The following MGA variants were observed in gnomAD, a reference collection of about 807,000 sequenced individuals.
MGA encodes the protein MAX dimerization protein MGA.
In MGA, 40 loss-of-function variants were observed where a neutral mutation model predicts 261.1. The ratio of observed to expected loss-of-function variants is 0.15; its 90% confidence interval spans 0.12 to 0.20. MGA has a LOEUF of 0.20. Ranked by LOEUF, MGA falls within the 10% of genes least tolerant of loss-of-function variation. The pLI is 1.00. For missense variants in MGA, 3,397 were observed against 3,630.5 expected (o/e 0.94, Z 1.65); for synonymous variants, 1,302 against 1,290.6 (o/e 1.01, Z -0.19).
Position 41,754,430 on chromosome 15 carries a change from A to G in MGA, c.7009-7A>G, listed in dbSNP as rs985549398. The G allele has an allele frequency of 2.6e-6, 4 of 1,531,868 alleles. No homozygotes were observed. The highest frequency in any genetic ancestry group is 3.5e-6 in the Non-Finnish European group (4 of 1,139,798). 94.9% of individuals were successfully genotyped at this position (1,531,868 alleles called of 1,614,324 possible). On this transcript the variant is annotated splice_polypyrimidine_tract_variant and splice_region_variant and intron_variant, in intron 17 of 23. Coordinates refer to ENST00000219905, the MANE Select transcript of MGA (RefSeq NM_001164273.2). The stretch of plus-strand genomic sequence containing the variant: ...ACATTATTTACTTTTATAATGATGT[A>G]TTTCAGAATAACTGTGTAGAATACA...
chr15:41,665,535 A>T (rs1377244844), intron 1 of MGA, among the ~76,000 whole-genome samples: 1 of 152,042 alleles, frequency 6.6e-6, no homozygotes, highest in Non-Finnish European at 1.5e-5. Context: ...CTGGGACTAC[A>T]GCTACACACC....
At position 41,734,537 on chromosome 15, in the gene MGA, C is replaced by A; in HGVS notation, c.3859C>A (p.Gln1287Lys). 6.2e-7 allele frequency: 1 copy of A among 1,608,676 alleles called. No homozygotes were observed. The highest frequency in any genetic ancestry group is 8.5e-7 in the Non-Finnish European group (1 of 1,177,058). The stretch of plus-strand genomic sequence containing the variant: ...TCTCCTTCAGGAACCTGATTCTGAA[C>A]AGCAGCCCTTAAAACAACTCACCTG... Residue 1287 changes from glutamine to lysine, a missense_variant, in exon 12 of 24, where the codon CAG becomes AAG. Around this residue, in one of 9 missense-constraint regions of MGA, gnomAD observed 1,410 missense variants for 1,386.4 expected, o/e 1.02. Coordinates refer to ENST00000219905, the MANE Select transcript of MGA (RefSeq NM_001164273.2).
At chr15:41,652,683 C>A (rs558704881) in intron 1 of MGA, among the ~76,000 whole-genome samples, 1 of 151,746 alleles carries the variant, frequency 6.6e-6, no homozygotes, top group Non-Finnish European at 1.5e-5. Context: ...CTATAGTGTT[C>A]CAGAGGTTTT....
At chr15:41,668,454 A>G (rs1410386955) in intron 1 of MGA, among the ~76,000 whole-genome samples, 1 of 152,206 alleles carries the variant, frequency 6.6e-6, no homozygotes, top group East Asian at 1.9e-4. Flanking sequence ...CTTCTGGTAA[A>G]TTCATAAAGT....
At chr15:41,656,670 T>G (rs571581753), upstream of MGA, among the ~76,000 whole-genome samples, 247 of 152,186 alleles carry the variant, frequency 1.6e-3, no homozygotes, top group Non-Finnish European at 2.7e-3. Flanking sequence ...TTAATGAATG[T>G]TGATTATATT....
chr15:41,729,647 C>T (rs575920359), intron 11 of MGA, among the ~76,000 whole-genome samples: 12 of 151,712 alleles, frequency 7.9e-5, no homozygotes, highest in Non-Finnish European at 1.2e-4. Context: ...CATGGTGAAA[C>T]CCTATCTTTA....
chr15:41,734,271 T>A (rs1287854377), intron 11 of MGA, among the ~76,000 whole-genome samples: 1 of 152,126 alleles, frequency 6.6e-6, no homozygotes, highest in African/African-American at 2.4e-5. Context: ...TGTTTCCCTC[T>A]TTAAAGTACA....
chr15:41,678,855 T>C (rs1453783223), intron 2 of MGA, among the ~76,000 whole-genome samples: 3 of 152,146 alleles, frequency 2.0e-5, no homozygotes, highest in Admixed American at 6.5e-5. Context: ...CCCACATATG[T>C]GCAGATTGAT....
chr15:41,694,125 A>G (rs1460758433), intron 2 of MGA, among the ~76,000 whole-genome samples: 1 of 152,128 alleles, frequency 6.6e-6, no homozygotes, highest in Admixed American at 6.6e-5. Context: ...TAACTTTTTA[A>G]AAAGTGACTG....
In MGA at chr15:41,696,978, T is replaced by A. The variant is rs1464176035; in HGVS notation, c.1968T>A (p.Asp656Glu). Residue 656 changes from aspartate to glutamate, a missense_variant, in exon 3 of 24, where the codon GAT (aspartate) becomes GAA (glutamate). This residue lies in a region of MGA where 563 missense variants were observed against 563.6 expected (regional missense o/e 1.00). Coordinates refer to ENST00000219905, the MANE Select transcript of MGA (RefSeq NM_001164273.2). ...GTACCTTTCCAGATGTGAAGCCTGA[T>A]CTGGAAGATGTGGATGGTGTTCTCT... 1.3e-6 allele frequency: 2 copies of A among 1,594,440 alleles called. No homozygotes were observed. The highest frequency in any genetic ancestry group is 4.5e-5 in the East Asian group (2 of 44,700).
intron 1 of MGA, among the ~76,000 whole-genome samples, chr15:41,639,526 TAAA>T (rs1566927468): frequency 6.7e-6 from 1 of 148,482 alleles, no homozygotes; most frequent in Non-Finnish European, 1.5e-5. Flanking sequence ...TTTTTTTTTT[TAAA>T]TTAATTAATT....
chr15:41,702,842 C>G (rs930607590), intron 5 of MGA, among the ~76,000 whole-genome samples: 2 of 152,120 alleles, frequency 1.3e-5, no homozygotes, highest in Non-Finnish European at 2.9e-5. Context: ...TTCATTGCTA[C>G]CAAGTCAATT....
chr15:41,692,787 C>G (rs1457421388), intron 2 of MGA, among the ~76,000 whole-genome samples: 1 of 152,194 alleles, frequency 6.6e-6, no homozygotes, highest in Non-Finnish European at 1.5e-5. Flanking sequence ...TCTTGGCTCA[C>G]TGCAACCTCT....
intron 20 of MGA, among the ~76,000 whole-genome samples, chr15:41,761,035 T>C (rs1341044580): frequency 6.6e-6 from 1 of 152,230 alleles, no homozygotes. Flanking sequence ...CCTCCCAAAG[T>C]GCTGGGATTA....
chr15:41,733,100 G>GGGC (rs1461294580), intron 11 of MGA, among the ~76,000 whole-genome samples: 1 of 151,960 alleles, frequency 6.6e-6, no homozygotes, highest in African/African-American at 2.4e-5. Context: ...CTGGCATTAC[G>GGGC]GGCGGGTGCC....
intron 5 of MGA, among the ~76,000 whole-genome samples, chr15:41,705,383 G>A (rs1188675144): frequency 6.6e-6 from 1 of 151,754 alleles, no homozygotes; most frequent in African/African-American, 2.4e-5. Context: ...TTCAAGACAG[G>A]ATTTTGCTTT....
At chr15:41,746,703 T>C (rs754728996) in intron 15 of MGA, among the ~76,000 whole-genome samples, 6 of 152,116 alleles carry the variant, frequency 3.9e-5, no homozygotes, top group Non-Finnish European at 7.4e-5. Flanking sequence ...ACCATGACTT[T>C]CTTTTTGAAA....
At chr15:41,628,719 T>C (rs1219168538) in intron 1 of MGA, among the ~76,000 whole-genome samples, 1 of 152,180 alleles carries the variant, frequency 6.6e-6, no homozygotes, top group African/African-American at 2.4e-5. Flanking sequence ...GCTCAGATTG[T>C]GTAGAGCCTT....
intron 2 of MGA, among the ~76,000 whole-genome samples, chr15:41,691,000 T>C (rs953853980): frequency 6.6e-6 from 1 of 151,048 alleles, no homozygotes. Context: ...CTTTGTTTTT[T>C]TTTTTTTTTT....
Sources: gnomAD v4.1 joint callset for allele counts (sites outside exome capture counted in the v4.1 genomes callset) on GRCh38, gnomAD v4.1.1 for gene constraint, gnomAD v4.1.1 regional missense constraint, MANE v1.5 for transcripts, NCBI Gene and HGNC (gene_info 2026-07-23, HGNC 2026-07-21) for gene names.